The following FBH1 variants were observed in gnomAD, a reference collection of about 807,000 sequenced individuals.
FBH1 encodes the protein F-box DNA helicase 1, also known as DNA 3'-5' helicase 1.
FBH1 carries 43 observed loss-of-function variants against 115.5 expected under a neutral mutation model. The observed-to-expected ratio is 0.37, with a 90% CI of 0.29 to 0.48. FBH1 has a LOEUF of 0.48. Among genes scored for constraint, FBH1 ranks in the 20% least tolerant of loss-of-function variants. The pLI is 0.99. For synonymous variants in FBH1, 524 were observed against 507.8 expected (o/e 1.03, Z -0.43); for missense variants, 1,001 against 1,337.3 (o/e 0.75, Z 3.92).
At position 5,936,034 on chromosome 10, in the gene FBH1, A is replaced by G. The variant is rs1170083167; in HGVS notation, c.2830-422A>G. 10 of 159,476 alleles carry G rather than the reference A, an allele frequency of 6.3e-5. No individual in the cohort carries two copies. The highest frequency in any genetic ancestry group is 5.9e-4 in the Admixed American group (10 of 16,966). The allele number at this position is 159,476 out of a possible 1,614,324, so 9.9% of individuals were successfully genotyped here. On this transcript the variant is annotated intron_variant, in intron 19 of 20. Transcript: ENST00000362091. This position sits in a 1 kb window ranked among gnomAD's most constrained non-coding sequence, Gnocchi z 5.6. ...TCATTTGCTCACTAGCACAGCCAGC[A>G]GCACGGGACGGTGGAAATACGCAGG...
At chr10:5,904,596 C>A (rs1843584976) in intron 2 of FBH1, among the ~76,000 whole-genome samples, 1 of 152,108 alleles carries the variant, frequency 6.6e-6, no homozygotes, top group African/African-American at 2.4e-5. Flanking sequence ...TAGCTCATGC[C>A]TTATTTGTAA....
At position 5,910,834 on chromosome 10, in the gene FBH1, A is replaced by G. The variant is rs1220614176; in HGVS notation, c.1021-104A>G. On this transcript the variant is annotated intron_variant, in intron 5 of 20. Coordinates refer to ENST00000362091, the MANE Select transcript of FBH1 (RefSeq NM_178150.3). This position sits in a 1 kb window ranked among gnomAD's most constrained non-coding sequence, Gnocchi z 4.8. ...GATTCAGTCCAGACAGTCTGTAGCC[A>G]GCAGCTGGACCCGTGGCTCGGCTTT... The G allele has an allele frequency of 3.1e-6, 3 of 962,604 alleles. No homozygotes were observed. The highest frequency in any genetic ancestry group is 4.6e-6 in the Non-Finnish European group (3 of 655,054). The allele number at this position is 962,604 out of a possible 1,614,324, so 59.6% of individuals were successfully genotyped here. A position where few individuals can be genotyped will look rare whatever the true frequency, so the allele number is the denominator to read the frequency against.
rs373156043 is a variant in FBH1 at position 5,915,612 on chromosome 10, C to T, written c.1565+41C>T. 1.8e-4 allele frequency: 279 copies of T among 1,590,192 alleles called. No individual in the cohort carries two copies. In the African/African-American group the frequency reaches 2.7e-3, roughly 16 times the overall value. On this transcript the variant is annotated intron_variant, in intron 9 of 20. Coordinates refer to ENST00000362091, the MANE Select transcript of FBH1 (RefSeq NM_178150.3). This position sits in a 1 kb window ranked among gnomAD's most constrained non-coding sequence, Gnocchi z 5.2. ...ACTAGTGGCACTGTTGCTGCTGGCA[C>T]GGTCGCGTCTTACTGTTTTCCCGTG...
In FBH1 at chr10:5,914,134, C is replaced by CAGAA. The variant is rs777269151; in HGVS notation, c.1305-43_1305-42insGAAA. The CAGAA allele has an allele frequency of 3.1e-6, 5 of 1,589,240 alleles. No homozygotes were observed. In the African/African-American group the frequency reaches 6.7e-5, roughly 21 times the overall value. Reference sequence around the variant, plus strand: ...TGGACTGTCTATCCCCTGGACTTTTCACGTCTTTCTGTTTTTCTTACTTCT... The same window carrying CAGAA: ...TGGACTGTCTATCCCCTGGACTTTTCAGAAACGTCTTTCTGTTTTTCTTACTTCT... On this transcript the variant is annotated intron_variant, in intron 7 of 20. Transcript: ENST00000362091. The surrounding 1 kb of genome is among the most constrained non-coding windows in gnomAD (Gnocchi z 5.2).
In FBH1 at chr10:5,909,384, A is replaced by G. The variant is rs1371996963; in HGVS notation, c.1020+90A>G. 4 of 1,403,404 alleles carry G rather than the reference A, an allele frequency of 2.9e-6. No homozygotes were observed. In the Admixed American group the frequency reaches 7.1e-5, roughly 25 times the overall value. The allele number at this position is 1,403,404 out of a possible 1,614,324, so 86.9% of individuals were successfully genotyped here. ...TCAGTTCAATTGAGGATGACTTTAT[A>G]TTTATTTTTAATGTCTGTATTTAAT... On this transcript the variant is annotated intron_variant, in intron 5 of 20. Transcript: ENST00000362091. This position sits in a 1 kb window ranked among gnomAD's most constrained non-coding sequence, Gnocchi z 4.4.
At chr10:5,907,767 C>A (rs995761221) in intron 3 of FBH1, among the ~76,000 whole-genome samples, 1 of 152,116 alleles carries the variant, frequency 6.6e-6, no homozygotes, top group Admixed American at 6.5e-5. Context: ...AACCACTGTG[C>A]CTGGGCAAGG....
Position 5,913,866 on chromosome 10 carries a change from G to A in FBH1, c.1304+27G>A. ...TATGTGTATATGTGCGTCAGCGTGTGTTTTGTCTTCTGTCGACTCTTCCTC... is the reference window on the plus strand; with the variant it reads ...TATGTGTATATGTGCGTCAGCGTGTATTTTGTCTTCTGTCGACTCTTCCTC... On this transcript the variant is annotated intron_variant, in intron 7 of 20. Transcript: ENST00000362091. This position sits in a 1 kb window ranked among gnomAD's most constrained non-coding sequence, Gnocchi z 4.4. 5 of 1,539,048 alleles carry A rather than the reference G, an allele frequency of 3.2e-6. No individual in the cohort carries two copies. The highest frequency in any genetic ancestry group is 4.4e-6 in the Non-Finnish European group (5 of 1,127,722).
Position 5,911,242 on chromosome 10 carries a change from C to A in FBH1, c.1211+114C>A. The A allele has an allele frequency of 1.0e-6, 1 of 954,336 alleles. No homozygotes were observed. The highest frequency in any genetic ancestry group is 1.6e-5 in the African/African-American group (1 of 60,886). The allele number at this position is 954,336 out of a possible 1,614,324, so 59.1% of individuals were successfully genotyped here. On this transcript the variant is annotated intron_variant, in intron 6 of 20. Coordinates refer to ENST00000362091, the MANE Select transcript of FBH1 (RefSeq NM_178150.3). This position sits in a 1 kb window ranked among gnomAD's most constrained non-coding sequence, Gnocchi z 5.4. ...TTAGCACCTGGCAGGCTGTGGGACC[C>A]ACCTGCTCCACCTCAGTGTCATCTT...
rs1831611620 is a variant in FBH1 at position 5,911,872 on chromosome 10, TGGA to T, written c.1211+751_1211+753del. On this transcript the variant is annotated intron_variant, in intron 6 of 20. Transcript: ENST00000362091. This position sits in a 1 kb window ranked among gnomAD's most constrained non-coding sequence, Gnocchi z 5.4. ...GTAGTGTCTGAGTGAAACCTGAGTGTGGAGGAGGAACCGCCGTTTCACAACTGT... is the reference window on the plus strand; with the variant it reads ...GTAGTGTCTGAGTGAAACCTGAGTGTGGAGGAACCGCCGTTTCACAACTGT... Among the ~76,000 whole-genome samples, 1 of 151,996 alleles carries T rather than the reference TGGA, an allele frequency of 6.6e-6. No individual in the cohort carries two copies. Among genetic ancestry groups the T allele is most frequent in the Admixed American group, 6.6e-5 (1 of 15,262 alleles).
Position 5,906,296 on chromosome 10 carries a change from G to A in FBH1, c.417G>A (p.Arg139=), listed in dbSNP as rs1458774308. The A allele has an allele frequency of 1.2e-6, 2 of 1,614,132 alleles. No homozygotes were observed. The highest frequency in any genetic ancestry group is 1.7e-6 in the Non-Finnish European group (2 of 1,180,054). The change falls in exon 3 of 21, where the codon CGG becomes CGA. Residue 139 remains arginine, a synonymous_variant. Transcript: ENST00000362091. This position sits in a 1 kb window ranked among gnomAD's most constrained non-coding sequence, Gnocchi z 7.3. ...GTAACCAGGCTACCGGGACCAGCCG[G>A]TGGGATGGAGTTTCTAAGAAAGCTC... The part of the protein sequence containing the change: ...EESNQATGTS[R]WDGVSKKAPR...
chr10:5,923,866 G>C lies in FBH1; in HGVS notation c.2398+170G>C. ...GTGCCTCGGGCCTCCTGTTTTCATA[G>C]GTACTGACAGATTTTTCCAGATCCT... is the stretch of plus-strand genomic sequence containing the variant. On this transcript the variant is annotated intron_variant, in intron 16 of 20. Transcript: ENST00000362091. The surrounding 1 kb of genome is among the most constrained non-coding windows in gnomAD (Gnocchi z 5.7). 3 of 615,308 alleles carry C rather than the reference G, an allele frequency of 4.9e-6. No homozygotes were observed. Among genetic ancestry groups the C allele is most frequent in the Non-Finnish European group, 5.7e-6 (2 of 353,302 alleles). 38.1% of individuals were successfully genotyped at this position (615,308 alleles called of 1,614,324 possible).
In FBH1 at chr10:5,923,778, C is replaced by T. The variant is rs1832453907; in HGVS notation, c.2398+82C>T. The T allele has an allele frequency of 7.6e-7, 1 of 1,321,214 alleles. No homozygotes were observed. The highest frequency in any genetic ancestry group is 1.1e-6 in the Non-Finnish European group (1 of 930,634). The allele number at this position is 1,321,214 out of a possible 1,614,324, so 81.8% of individuals were successfully genotyped here. On this transcript the variant is annotated intron_variant, in intron 16 of 20. Coordinates refer to ENST00000362091, the MANE Select transcript of FBH1 (RefSeq NM_178150.3). This position sits in a 1 kb window ranked among gnomAD's most constrained non-coding sequence, Gnocchi z 5.7. ...AGAAAGAAGCAGGCCCAGTCTGAGT[C>T]AGGGACCCGTTTCCCTCCAGAGAAG... is the stretch of plus-strand genomic sequence containing the variant.
rs2274029 is a variant in FBH1, at chr10:5,924,227, G to A, written c.2399-84G>A. 0.42 allele frequency: 579,517 copies of A among 1,370,354 alleles called. 127,368 individuals are homozygous for A. The highest frequency in any genetic ancestry group is 0.72 in the East Asian group (30,717 of 42,494). The allele number at this position is 1,370,354 out of a possible 1,614,324, so 84.9% of individuals were successfully genotyped here. ...CCACTTTAAGACCATCTGCTCTTGC[G>A]CAGCTGCTTAGGAACGTGCAGCACC... On this transcript the variant is annotated intron_variant, in intron 16 of 20. Transcript: ENST00000362091. This position sits in a 1 kb window ranked among gnomAD's most constrained non-coding sequence, Gnocchi z 6.2.
At chr10:5,889,585 G>GC (rs957468601), upstream of FBH1, 2 of 241,398 alleles carry the variant, frequency 8.3e-6, no homozygotes, top group African/African-American at 4.6e-5. Context: ...GCCCCGGCCT[G>GC]CCCCGCGTGG....
Position 5,937,246 on chromosome 10 carries a change from C to T in FBH1, c.3098C>T (p.Pro1033Leu). Residue 1033 changes from proline to leucine, a missense_variant, in exon 21 of 21, where the codon CCC becomes CTC. Pro to Leu is a moderately conservative substitution (Grantham distance 98). Around this residue, in one of 4 missense-constraint regions of FBH1, gnomAD observed 521 missense variants for 811.0 expected, o/e 0.64. Transcript: ENST00000362091. The part of the protein sequence containing the change: ...MERTVENIVL[P>L]RHEALLFLVF ...CGCACTGTGGAGAACATCGTACTGC[C>T]CCGGCATGAGGCCCTGCTCTTCCTC... 1 of 1,609,732 alleles carries T rather than the reference C, an allele frequency of 6.2e-7. No individual in the cohort carries two copies. The highest frequency in any genetic ancestry group is 1.3e-5 in the African/African-American group (1 of 74,970).
chr10:5,894,417 G>T (rs1842896762), intron 1 of FBH1: 3 of 1,609,282 alleles, frequency 1.9e-6, no homozygotes, highest in Non-Finnish European at 2.6e-6. Context: ...ACAGAGTGAA[G>T]AATGTCACAG....
chr10:5,928,746 AC>A (rs964285625), intron 19 of FBH1: 1 of 152,148 alleles, frequency 6.6e-6, no homozygotes, highest in Non-Finnish European at 1.5e-5. Flanking sequence ...AGTCTTTTCA[AC>A]CCTGTCAGAA....
At chr10:5,927,392 C>G in intron 18 of FBH1, 43 bp from the exon 19 acceptor site, 3 of 1,460,448 alleles carry the variant, frequency 2.1e-6, no homozygotes, top group Non-Finnish European at 2.8e-6. Flanking sequence ...GTAAGCTTTT[C>G]TAAGGCTTTT....
At chr10:5,892,408 A>G (rs1053932129) in intron 1 of FBH1, among the ~76,000 whole-genome samples, 3 of 152,230 alleles carry the variant, frequency 2.0e-5, no homozygotes, top group Admixed American at 2.0e-4. Context: ...GTTTGTTGAC[A>G]TCATCTTTTT....
Sources: gnomAD v4.1 joint callset for allele counts (sites outside exome capture counted in the v4.1 genomes callset) on GRCh38, gnomAD v4.1.1 for gene constraint, gnomAD v4.1.1 regional missense constraint, Gnocchi (gnomAD v3.1) non-coding constraint, MANE v1.5 for transcripts, NCBI Gene and HGNC (gene_info 2026-07-23, HGNC 2026-07-21) for gene names.